Variants in LRP1B observed in about 807,000 individuals in gnomAD.
LRP1B encodes the protein LDL receptor related protein 1B.
A neutral mutation model predicts 556.6 loss-of-function variants in LRP1B; 217 were observed. The observed-to-expected ratio is 0.39, with a 90% CI of 0.35 to 0.44. The LOEUF is 0.44. LRP1B is among the 20% of genes least tolerant of loss of function. The pLI is 1.00. For synonymous variants in LRP1B, 2,047 were observed against 1,865.8 expected, an observed-to-expected ratio of 1.10 and a Z score of -2.50; for missense variants, 5,053 against 5,620.8, an observed-to-expected ratio of 0.90 and a Z score of 3.23.
At chr2:141,966,419 A>T (rs1238396553) in intron 1 of LRP1B, among the ~76,000 whole-genome samples, 2 of 152,020 alleles carry the variant, frequency 1.3e-5, no homozygotes, top group Admixed American at 6.6e-5. Flanking sequence ...CACATGAGAA[A>T]CACCTGGTTC....
At chr2:140,287,756 T>G (rs74659788) in intron 84 of LRP1B, among the ~76,000 whole-genome samples, 25,424 of 151,598 alleles carry the variant, frequency 0.17, 2,610 homozygotes, top group East Asian at 0.33. Flanking sequence ...AAGGTGTATC[T>G]GATTCTGTGA....
In LRP1B at chr2:140,232,916, T is replaced by A. The variant is rs991826763; in HGVS notation, c.*270A>T. On this transcript the variant is annotated 3_prime_UTR_variant, in exon 91 of 91. Transcript: ENST00000389484. ...ACACTACAAAGGAATACGTTGTTTT[T>A]AATTTTAACAAATTCAAAGGTGTGT... 1 of 255,278 alleles carries A rather than the reference T, an allele frequency of 3.9e-6. No homozygotes were observed. The highest frequency in any genetic ancestry group is 2.2e-5 in the African/African-American group (1 of 44,936). 15.8% of individuals were successfully genotyped at this position (255,278 alleles called of 1,614,324 possible).
intron 35 of LRP1B, among the ~76,000 whole-genome samples, chr2:140,749,422 C>T (rs773065253): frequency 4.6e-5 from 7 of 151,998 alleles, no homozygotes; most frequent in Non-Finnish European, 7.4e-5. Context: ...AAGATGACCA[C>T]ATTGTACAGC....
At chr2:141,948,482 A>G (rs894159822) in intron 1 of LRP1B, among the ~76,000 whole-genome samples, 6 of 152,000 alleles carry the variant, frequency 3.9e-5, no homozygotes, top group Admixed American at 3.9e-4. Flanking sequence ...ACAGAAAGAC[A>G]TTCTGAGTTT....
At chr2:140,864,723 T>C (rs1486591269) in intron 27 of LRP1B, among the ~76,000 whole-genome samples, 1 of 152,032 alleles carries the variant, frequency 6.6e-6, no homozygotes, top group Non-Finnish European at 1.5e-5. Flanking sequence ...TATAGTTAGA[T>C]TAGATGGCTT....
intron 8 of LRP1B, among the ~76,000 whole-genome samples, chr2:141,060,538 T>C (rs1034134033): frequency 6.6e-6 from 1 of 151,814 alleles, no homozygotes; most frequent in Admixed American, 6.6e-5. Flanking sequence ...ATTAGTCTCG[T>C]GCATGTTTTG....
intron 3 of LRP1B, among the ~76,000 whole-genome samples, chr2:141,405,178 G>A (rs1319937641): frequency 6.6e-6 from 1 of 152,110 alleles, no homozygotes; most frequent in African/African-American, 2.4e-5. Flanking sequence ...TTATTATAAA[G>A]CCATATTTAT....
intron 29 of LRP1B, among the ~76,000 whole-genome samples, chr2:140,844,239 T>A (rs1280185925): frequency 1.3e-5 from 2 of 151,988 alleles, no homozygotes; most frequent in Non-Finnish European, 2.9e-5. Context: ...TTTTTTTGTA[T>A]TTTTAGTAGA....
chr2:141,271,544 A>C (rs920317804), intron 3 of LRP1B, among the ~76,000 whole-genome samples: 24 of 151,902 alleles, frequency 1.6e-4, no homozygotes, highest in African/African-American at 5.5e-4. Context: ...CAGACTCGTT[A>C]TTGGAACCTA....
At chr2:141,707,394 T>C (rs1322753430) in intron 2 of LRP1B, among the ~76,000 whole-genome samples, 1 of 152,082 alleles carries the variant, frequency 6.6e-6, no homozygotes, top group African/African-American at 2.4e-5. Context: ...CTAGGAAGGA[T>C]CTGATACCAA....
intron 29 of LRP1B, among the ~76,000 whole-genome samples, chr2:140,841,519 C>T (rs1181885972): frequency 1.3e-5 from 2 of 152,038 alleles, no homozygotes; most frequent in Admixed American, 6.6e-5. Context: ...CAATTTGTTA[C>T]TAAAATGAAA....
intron 35 of LRP1B, among the ~76,000 whole-genome samples, chr2:140,728,638 T>A (rs138264856): frequency 6.6e-6 from 1 of 152,146 alleles, no homozygotes. Context: ...AGAAGTAAGA[T>A]ATACTTTAAA....
intron 29 of LRP1B, among the ~76,000 whole-genome samples, chr2:140,843,828 A>G (rs1376468859): frequency 6.6e-6 from 1 of 152,204 alleles, no homozygotes; most frequent in Non-Finnish European, 1.5e-5. Flanking sequence ...TTGCTAATAT[A>G]TAACTACTTT....
intron 2 of LRP1B, among the ~76,000 whole-genome samples, chr2:141,655,277 A>G (rs747915467): frequency 5.9e-5 from 9 of 152,186 alleles, no homozygotes; most frequent in Non-Finnish European, 1.0e-4. Context: ...TGACTTTCAC[A>G]AGGCTTAATG....
At chr2:140,675,180 C>T (rs1017330662) in intron 41 of LRP1B, among the ~76,000 whole-genome samples, 1 of 152,178 alleles carries the variant, frequency 6.6e-6, no homozygotes, top group African/African-American at 2.4e-5. Context: ...GACAATTTCC[C>T]TTATTTAAAA....
chr2:141,810,193 T>C (rs1424042761), intron 2 of LRP1B, 86 bp downstream of exon 2: 9 of 1,187,024 alleles, frequency 7.6e-6, no homozygotes, highest in South Asian at 1.7e-5. Context: ...AAGAATCATC[T>C]AGAACAGCAG....
At chr2:140,819,538 TGACTAAAACAGA>T (rs1691246273) in intron 31 of LRP1B, among the ~76,000 whole-genome samples, 1 of 151,926 alleles carries the variant, frequency 6.6e-6, no homozygotes, top group African/African-American at 2.4e-5. Flanking sequence ...TGGAGCATGA[TGACTAAAACAGA>T]GAAGAAAACT....
intron 34 of LRP1B, 121 bp downstream of exon 34, chr2:140,770,760 T>C (rs1689281777): frequency 1.5e-6 from 1 of 665,770 alleles, no homozygotes; most frequent in Non-Finnish European, 2.4e-6. Context: ...GTATACCATT[T>C]CCTAATAACT....
At chr2:140,638,671 A>T (rs1684162157) in intron 41 of LRP1B, among the ~76,000 whole-genome samples, 1 of 152,122 alleles carries the variant, frequency 6.6e-6, no homozygotes, top group African/African-American at 2.4e-5. Flanking sequence ...CTTCCCAATG[A>T]TGACTGGAGA....
Sources: allele counts gnomAD v4.1 joint callset (sites outside exome capture counted in the v4.1 genomes callset), GRCh38; gene constraint gnomAD v4.1.1; transcripts MANE v1.5; gene names NCBI Gene and HGNC (gene_info 2026-07-23, HGNC 2026-07-21).